Variants in RAD51B observed in about 807,000 individuals in gnomAD.
RAD51B encodes the protein DNA repair protein RAD51 homolog 2.
In RAD51B, 38 loss-of-function variants were observed where a neutral mutation model predicts 42.2. That is an observed-to-expected ratio of 0.90 (90% CI 0.70 to 1.18). The LOEUF (loss-of-function observed/expected upper bound fraction) is 1.18, where lower values mean the gene tolerates loss of function less well. Among genes scored for constraint, RAD51B ranks in the 50% most tolerant of loss-of-function variants. The probability of loss-of-function intolerance (pLI) is 0.00; values close to 1 mark genes in which losing one functional copy is unlikely to be tolerated. For missense variants in RAD51B, 373 were observed against 400.7 expected (o/e 0.93, Z 0.59); for synonymous variants, 154 against 145.2 (o/e 1.06, Z -0.43).
At chr14:68,348,955 T>C (rs377078341) in intron 8 of RAD51B, among the ~76,000 whole-genome samples, 1 of 152,234 alleles carries the variant, frequency 6.6e-6, no homozygotes, top group East Asian at 1.9e-4. Flanking sequence ...TTTAGGCCTT[T>C]ATTTATTTTA....
chr14:68,589,754 T>C (rs1051678439), intron 10 of RAD51B, among the ~76,000 whole-genome samples: 1 of 152,196 alleles, frequency 6.6e-6, no homozygotes, highest in Non-Finnish European at 1.5e-5. Flanking sequence ...GGCCTGTTTT[T>C]TCCATTCTTG....
intron 7 of RAD51B, among the ~76,000 whole-genome samples, chr14:68,169,167 C>A (rs1474313524): frequency 3.3e-5 from 5 of 152,138 alleles, no homozygotes; most frequent in African/African-American, 1.2e-4. Flanking sequence ...TTCTTTTAAT[C>A]TGAGGCTTTC....
At chr14:67,990,954 G>T (rs188588224) in intron 7 of RAD51B, among the ~76,000 whole-genome samples, 1 of 152,176 alleles carries the variant, frequency 6.6e-6, no homozygotes. Flanking sequence ...AGCCTTACTC[G>T]AAACCATTTC....
intron 7 of RAD51B, among the ~76,000 whole-genome samples, chr14:68,105,905 C>G (rs1302957111): frequency 6.6e-6 from 1 of 151,902 alleles, no homozygotes; most frequent in Non-Finnish European, 1.5e-5. Flanking sequence ...TGATTTGCAA[C>G]TATGGGAATG....
chr14:68,298,336 G>C (rs967235094), intron 8 of RAD51B, among the ~76,000 whole-genome samples: 2 of 152,148 alleles, frequency 1.3e-5, no homozygotes, highest in African/African-American at 4.8e-5. Flanking sequence ...AACAAAAGGA[G>C]AAAGGGAACA....
At chr14:67,938,528 G>A (rs188588210) in intron 7 of RAD51B, among the ~76,000 whole-genome samples, 4 of 152,156 alleles carry the variant, frequency 2.6e-5, no homozygotes, top group African/African-American at 9.7e-5. Context: ...CTATCCTTTA[G>A]AACATAGCCC....
At chr14:68,626,498 G>A (rs1892085989) in intron 10 of RAD51B, among the ~76,000 whole-genome samples, 1 of 152,224 alleles carries the variant, frequency 6.6e-6, no homozygotes, top group Admixed American at 6.5e-5. Flanking sequence ...GGCTAGGGCT[G>A]AAATCATCTG....
At chr14:68,259,929 G>C (rs2080842512) in intron 7 of RAD51B, among the ~76,000 whole-genome samples, 1 of 152,044 alleles carries the variant, frequency 6.6e-6, no homozygotes, top group Admixed American at 6.5e-5. Flanking sequence ...TTGAGAAAGT[G>C]GTGAAAAAGA....
At chr14:68,479,191 T>C (rs1422572948), downstream of RAD51B, among the ~76,000 whole-genome samples, 1 of 152,184 alleles carries the variant, frequency 6.6e-6, no homozygotes, top group East Asian at 1.9e-4. Flanking sequence ...AATAGAATGT[T>C]GGTGAAAACC....
At chr14:68,426,646 T>C (rs1201640221) in intron 9 of RAD51B, among the ~76,000 whole-genome samples, 1 of 152,094 alleles carries the variant, frequency 6.6e-6, no homozygotes, top group East Asian at 1.9e-4. Context: ...ATGGGATCTA[T>C]AATTAAAAGG....
At chr14:67,946,113 G>A (rs1371378642) in intron 7 of RAD51B, among the ~76,000 whole-genome samples, 1 of 152,120 alleles carries the variant, frequency 6.6e-6, no homozygotes, top group Non-Finnish European at 1.5e-5. Flanking sequence ...TCCCAAAATA[G>A]AGTTTTGGAA....
At chr14:68,172,485 TAGC>T (rs1391102845) in intron 7 of RAD51B, among the ~76,000 whole-genome samples, 1 of 152,194 alleles carries the variant, frequency 6.6e-6, no homozygotes, top group African/African-American at 2.4e-5. Context: ...CGTTTGCAAG[TAGC>T]TAAGAACAGG....
intron 7 of RAD51B, among the ~76,000 whole-genome samples, chr14:68,217,542 C>T (rs2079841170): frequency 2.0e-5 from 3 of 152,188 alleles, no homozygotes; most frequent in Non-Finnish European, 4.4e-5. Flanking sequence ...GTTCTTTACC[C>T]ACTCAGAGTC....
intron 10 of RAD51B, among the ~76,000 whole-genome samples, chr14:68,557,878 GC>G (rs1462293613): frequency 6.6e-6 from 1 of 152,106 alleles, no homozygotes; most frequent in Non-Finnish European, 1.5e-5. Flanking sequence ...GCATTTCCTA[GC>G]CTCCCCTTCA....
intron 7 of RAD51B, among the ~76,000 whole-genome samples, chr14:68,105,961 T>C (rs962852278): frequency 6.6e-6 from 1 of 151,936 alleles, no homozygotes; most frequent in Non-Finnish European, 1.5e-5. Context: ...TAGTTAGTAA[T>C]GACTAGTGCC....
intron 10 of RAD51B, among the ~76,000 whole-genome samples, chr14:68,584,440 T>C (rs367946200): frequency 2.8e-4 from 42 of 152,240 alleles, no homozygotes; most frequent in African/African-American, 8.9e-4. Context: ...GCTATTACAA[T>C]CGAGCAAGCC....
chr14:68,075,693 C>G (rs1275812716), intron 7 of RAD51B, among the ~76,000 whole-genome samples: 2 of 152,092 alleles, frequency 1.3e-5, no homozygotes, highest in African/African-American at 4.8e-5. Flanking sequence ...AGAGCCATTG[C>G]CAGTGGGAAT....
intron 7 of RAD51B, among the ~76,000 whole-genome samples, chr14:68,186,045 C>G (rs1019754377): frequency 7.9e-5 from 12 of 152,138 alleles, no homozygotes; most frequent in Non-Finnish European, 1.8e-4. Context: ...ATAGAGAACC[C>G]TGAAATAAAG....
chr14:68,383,692 G>A (rs1228465570), intron 8 of RAD51B, among the ~76,000 whole-genome samples: 3 of 151,886 alleles, frequency 2.0e-5, no homozygotes, highest in Admixed American at 2.0e-4. Context: ...TGCCATCTGT[G>A]GTTTTCTCCA....
Sources: allele counts gnomAD v4.1 joint callset (sites outside exome capture counted in the v4.1 genomes callset), GRCh38; gene constraint gnomAD v4.1.1; transcripts MANE v1.5; gene names NCBI Gene and HGNC (gene_info 2026-07-23, HGNC 2026-07-21).